The following ZFPM2 variants were observed in gnomAD, a reference collection of about 807,000 sequenced individuals.
ZFPM2 encodes the protein zinc finger protein, FOG family member 2, also known as zinc finger protein ZFPM2.
A neutral mutation model predicts 98.6 loss-of-function variants in ZFPM2; 20 were observed. That is an observed-to-expected ratio of 0.20 (90% CI 0.14 to 0.29). ZFPM2 has a LOEUF of 0.29. ZFPM2 is among the 10% of genes least tolerant of loss of function. The pLI is 1.00. For synonymous variants in ZFPM2, 518 were observed against 502.7 expected, an observed-to-expected ratio of 1.03 and a Z score of -0.41; for missense variants, 1,310 against 1,388.6, an observed-to-expected ratio of 0.94 and a Z score of 0.90.
intron 2 of ZFPM2, among the ~76,000 whole-genome samples, chr8:105,421,392 A>C (rs904315839): frequency 9.2e-5 from 14 of 152,176 alleles, no homozygotes; most frequent in Admixed American, 5.9e-4. Flanking sequence ...GTAGAAGGTC[A>C]TAATGGGTGG....
chr8:105,331,440 G>A (rs1377831811), intron 1 of ZFPM2, among the ~76,000 whole-genome samples: 4 of 151,486 alleles, frequency 2.6e-5, no homozygotes, highest in Non-Finnish European at 4.4e-5. Context: ...AGGAGGTTCC[G>A]GTATGGGATG....
At chr8:105,757,943 C>G (rs902197412) in intron 5 of ZFPM2, among the ~76,000 whole-genome samples, 2 of 152,038 alleles carry the variant, frequency 1.3e-5, no homozygotes, top group Non-Finnish European at 2.9e-5. Flanking sequence ...CTTTTATAAC[C>G]ATATCCACAT....
At chr8:105,330,555 T>C (rs7837056) in intron 1 of ZFPM2, among the ~76,000 whole-genome samples, 127 of 104,884 alleles carry the variant, frequency 1.2e-3, no homozygotes, top group African/African-American at 2.9e-3. Context: ...TATATATACA[T>C]ATATATATAT....
rs536759898 is a variant in ZFPM2 at position 105,522,991 on chromosome 8, G to A, written c.302-38372G>A. Among the ~76,000 whole-genome samples, 10 of 152,196 alleles carry A rather than the reference G, an allele frequency of 6.6e-5. No individual in the cohort carries two copies. In the South Asian group the frequency reaches 2.1e-3, roughly 32 times the overall value. The stretch of plus-strand genomic sequence containing the variant: ...AGTAAATTTGATGAGTGGAAATATA[G>A]CCTAATGGTCTGATAGAATTAAATG... On this transcript the variant is annotated intron_variant, in intron 3 of 7. Transcript: ENST00000407775.
chr8:105,591,246 T>C (rs1293636370), intron 4 of ZFPM2, among the ~76,000 whole-genome samples: 1 of 151,686 alleles, frequency 6.6e-6, no homozygotes, highest in Non-Finnish European at 1.5e-5. Flanking sequence ...CTTAGAATTA[T>C]TTGAAAAAAA....
chr8:105,494,504 A>G lies in ZFPM2; in HGVS notation c.301+50123A>G, dbSNP rs1428640943. Among the ~76,000 whole-genome samples the G allele has an allele frequency of 5.9e-5, 9 of 152,084 alleles. No homozygotes were observed. In the East Asian group the frequency reaches 1.8e-3, roughly 30 times the overall value. On this transcript the variant is annotated intron_variant, in intron 3 of 7. Coordinates refer to ENST00000407775, the MANE Select transcript of ZFPM2 (RefSeq NM_012082.4). ...TGAATTTACCATATTGGACTATGCC[A>G]TGTCCATGACTTCCTTTCCATATGC...
intron 5 of ZFPM2, among the ~76,000 whole-genome samples, chr8:105,683,106 A>AG (rs1810646753): frequency 1.3e-5 from 2 of 152,150 alleles, no homozygotes; most frequent in African/African-American, 4.8e-5. Flanking sequence ...CTCATTCATG[A>AG]GGGCTCTGTC....
chr8:105,354,992 A>C (rs1057098989), intron 1 of ZFPM2, among the ~76,000 whole-genome samples: 2 of 152,146 alleles, frequency 1.3e-5, no homozygotes, highest in East Asian at 3.9e-4. Context: ...CAGCGGCAAC[A>C]AAAAATCAAA....
At chr8:105,674,328 G>T (rs1320808480) in intron 5 of ZFPM2, among the ~76,000 whole-genome samples, 1 of 152,194 alleles carries the variant, frequency 6.6e-6, no homozygotes, top group Non-Finnish European at 1.5e-5. Context: ...TGACTCAGCT[G>T]TGCAAGACAC....
chr8:105,772,453 C>T (rs1021995142), intron 5 of ZFPM2, among the ~76,000 whole-genome samples: 1 of 152,056 alleles, frequency 6.6e-6, no homozygotes, highest in African/African-American at 2.4e-5. Flanking sequence ...AAATTCAGAG[C>T]AAAGACTTTC....
chr8:105,327,090 G>T (rs1252505982), intron 1 of ZFPM2, among the ~76,000 whole-genome samples: 1 of 151,314 alleles, frequency 6.6e-6, no homozygotes, highest in African/African-American at 2.4e-5. Flanking sequence ...TGGATGATAT[G>T]AATTATTCTA....
chr8:105,690,625 C>T (rs534241755), intron 5 of ZFPM2, among the ~76,000 whole-genome samples: 34 of 152,112 alleles, frequency 2.2e-4, no homozygotes, highest in Non-Finnish European at 4.6e-4. Flanking sequence ...CCTTGGACAC[C>T]TGTGGGAGTA....
At chr8:105,542,484 T>C (rs1452097600) in intron 3 of ZFPM2, among the ~76,000 whole-genome samples, 1 of 152,200 alleles carries the variant, frequency 6.6e-6, no homozygotes, top group Non-Finnish European at 1.5e-5. Flanking sequence ...ATAATGAAAG[T>C]TTGAACTGCA....
chr8:105,556,699 C>T (rs546490883), intron 3 of ZFPM2, among the ~76,000 whole-genome samples: 60 of 136,378 alleles, frequency 4.4e-4, no homozygotes, highest in African/African-American at 1.6e-3. Flanking sequence ...CCCCTTCCCC[C>T]TTCCCTTCCC....
At chr8:105,726,169 T>A (rs538853309) in intron 5 of ZFPM2, among the ~76,000 whole-genome samples, 11 of 147,410 alleles carry the variant, frequency 7.5e-5, no homozygotes, top group Non-Finnish European at 1.5e-4. Context: ...CTGGCTCAGA[T>A]GTTGTGATTT....
chr8:105,727,672 A>G (rs1811844906), intron 5 of ZFPM2, among the ~76,000 whole-genome samples: 1 of 151,692 alleles, frequency 6.6e-6, no homozygotes, highest in South Asian at 2.1e-4. Flanking sequence ...TGTTCCCCTC[A>G]TTGCACTGTG....
chr8:105,444,722 CTTCAAAGAACTATCA>C lies in ZFPM2; in HGVS notation c.301+344_301+358del, dbSNP rs550955433. On this transcript the variant is annotated intron_variant, in intron 3 of 7. Coordinates refer to ENST00000407775, the MANE Select transcript of ZFPM2 (RefSeq NM_012082.4). ...TAAAGCTTACAAACAAGAAACAGTA[CTTCAAAGAACTATCA>C]TTTTCAGTTTAGTCATGTTTTAAAT... Among the ~76,000 whole-genome samples the C allele has an allele frequency of 3.2e-3, 493 of 152,150 alleles. 3 individuals carry two copies. Among genetic ancestry groups the C allele is most frequent in the African/African-American group, 0.011 (457 of 41,534 alleles).
intron 1 of ZFPM2, among the ~76,000 whole-genome samples, chr8:105,371,228 C>G (rs759663396): frequency 6.6e-6 from 1 of 152,064 alleles, no homozygotes; most frequent in Non-Finnish European, 1.5e-5. Flanking sequence ...GCTGGTCAAA[C>G]AAAATTGTAT....
In ZFPM2 at chr8:105,684,903, G is replaced by A. The variant is rs553013876; in HGVS notation, c.532+50546G>A. 17 of 152,006 alleles carry A rather than the reference G, an allele frequency of 1.1e-4. No individual in the cohort carries two copies. The East Asian group carries it at 1.5e-3, about 14-fold the overall frequency. 9.4% of individuals were successfully genotyped at this position (152,006 alleles called of 1,614,324 possible). A position where few individuals can be genotyped will look rare whatever the true frequency, so the allele number is the denominator to read the frequency against. ...AAAGAATTTACCTGCTGAGGTCAGC[G>A]GACAAGTTTGTGATTCTTTATTCCT... On this transcript the variant is annotated intron_variant, in intron 5 of 7. Coordinates refer to ENST00000407775, the MANE Select transcript of ZFPM2 (RefSeq NM_012082.4).
Sources: gnomAD v4.1 joint callset for allele counts (sites outside exome capture counted in the v4.1 genomes callset) on GRCh38, gnomAD v4.1.1 for gene constraint, MANE v1.5 for transcripts, NCBI Gene and HGNC (gene_info 2026-07-23, HGNC 2026-07-21) for gene names.